Variants in DNAAF11 observed in about 807,000 individuals in gnomAD.
DNAAF11 encodes the protein leucine rich repeat containing 6.
A neutral mutation model predicts 60.8 loss-of-function variants in DNAAF11; 45 were observed. That is an observed-to-expected ratio of 0.74 (90% confidence interval 0.58 to 0.95). The LOEUF (loss-of-function observed/expected upper bound fraction) is 0.95. DNAAF11 is among the 40% of genes least tolerant of loss of function. DNAAF11 has a pLI of 0.00. For missense variants in DNAAF11, 546 were observed against 546.2 expected, an observed-to-expected ratio of 1.00 and a Z score of 0.00; for synonymous variants, 191 against 183.5, an observed-to-expected ratio of 1.04 and a Z score of -0.33.
At chr8:132,595,318 T>C (rs919679725) in intron 10 of DNAAF11, among the ~76,000 whole-genome samples, 1 of 136,540 alleles carries the variant, frequency 7.3e-6, no homozygotes. Context: ...TGGAATTTTT[T>C]GTGTTCCCGA....
Position 132,572,330 on chromosome 8 carries a change from G to A in DNAAF11, c.1377C>T (p.Asn459=). Residue 459 remains asparagine, a synonymous_variant, in exon 12 of 12, where the codon AAC becomes AAT. Coordinates refer to ENST00000620350, the MANE Select transcript of DNAAF11 (RefSeq NM_012472.6). ...PSEEDPTFED[N]PEVPPLI is the part of the protein sequence containing the mutation. ...TTCAAATCAGCGGAGGCACTTCAGG[G>A]TTGTCTTCAAAGGTTGGGTCTTCCT... 2 of 1,613,506 alleles carry A rather than the reference G, an allele frequency of 1.2e-6. No individual in the cohort carries two copies. The highest frequency in any genetic ancestry group is 1.7e-6 in the Non-Finnish European group (2 of 1,179,828).
intron 10 of DNAAF11, chr8:132,608,591 T>A (rs1396088873): frequency 2.6e-6 from 1 of 387,302 alleles, no homozygotes; most frequent in Non-Finnish European, 5.3e-6. Context: ...TTGATTTCCC[T>A]TTAGGAATTA....
At chr8:132,649,497 A>C (rs566855624) in intron 3 of DNAAF11, among the ~76,000 whole-genome samples, 17 of 152,368 alleles carry the variant, frequency 1.1e-4, no homozygotes, top group South Asian at 4.1e-4. Context: ...CAATGGCAAC[A>C]AAAGCCAAAA....
At chr8:132,636,009 A>C (rs1465795399) in intron 4 of DNAAF11, among the ~76,000 whole-genome samples, 4 of 151,770 alleles carry the variant, frequency 2.6e-5, no homozygotes, top group South Asian at 4.2e-4. Flanking sequence ...AACATCTTGA[A>C]CTTGAACGTC....
At chr8:132,675,331 G>A in intron 1 of DNAAF11, 153 bp downstream of exon 1, 1 of 731,120 alleles carries the variant, frequency 1.4e-6, no homozygotes, top group East Asian at 3.0e-5. Flanking sequence ...GTGCAGCCGG[G>A]GCTGCGGTGC....
At chr8:132,590,914 T>C (rs1347480015) in intron 10 of DNAAF11, among the ~76,000 whole-genome samples, 1 of 152,250 alleles carries the variant, frequency 6.6e-6, no homozygotes, top group Non-Finnish European at 1.5e-5. Context: ...TATTCAAAAT[T>C]ATATACTTTG....
chr8:132,626,328 G>A (rs557544167), intron 5 of DNAAF11, among the ~76,000 whole-genome samples: 1 of 152,274 alleles, frequency 6.6e-6, no homozygotes, highest in East Asian at 1.9e-4. Context: ...TGGCATTACA[G>A]GCATGAGCCA....
At chr8:132,652,018 T>A (rs7841018) in intron 3 of DNAAF11, among the ~76,000 whole-genome samples, 147,433 of 152,350 alleles carry the variant, frequency 0.97, 71,388 homozygotes, top group East Asian at 1. Flanking sequence ...GTAATTGTTA[T>A]TAAAGAATCT....
rs531275876 is a variant in DNAAF11, at chr8:132,675,319, T to C, written c.10+165A>G. ...CTGTCCGGCCAGTCTGCAGAGGACCTGGTGCAGCCGGGGCTGCGGTGCGGA... is the reference window on the plus strand; with the variant it reads ...CTGTCCGGCCAGTCTGCAGAGGACCCGGTGCAGCCGGGGCTGCGGTGCGGA... On this transcript the variant is annotated intron_variant, in intron 1 of 11. Coordinates refer to ENST00000620350, the MANE Select transcript of DNAAF11 (RefSeq NM_012472.6). 3,067 of 661,502 alleles carry C rather than the reference T, an allele frequency of 4.6e-3. 9 individuals are homozygous for C. Among genetic ancestry groups the C allele is most frequent in the Non-Finnish European group, 7.0e-3 (2,721 of 389,144 alleles). 41.0% of individuals were successfully genotyped at this position (661,502 alleles called of 1,614,324 possible).
chr8:132,579,100 A>G lies in DNAAF11; in HGVS notation c.1226+4594T>C, dbSNP rs144436766. 4.0e-3 allele frequency among the ~76,000 whole-genome samples: 605 copies of G among 152,290 alleles called. 11 individuals are homozygous for G. The highest frequency in any genetic ancestry group is 0.014 in the African/African-American group (585 of 41,556). The stretch of plus-strand genomic sequence containing the variant: ...AGCAGCTGTTGGTTAAAAATCCTCA[A>G]TCTTGAATTTAGATGAAAGTGGTTC... On this transcript the variant is annotated intron_variant, in intron 11 of 11. Coordinates refer to ENST00000620350, the MANE Select transcript of DNAAF11 (RefSeq NM_012472.6).
chr8:132,573,139 T>C (rs575080477), intron 11 of DNAAF11, among the ~76,000 whole-genome samples: 1 of 148,304 alleles, frequency 6.7e-6, no homozygotes, highest in African/African-American at 2.6e-5. Context: ...GATATAGATA[T>C]AGATGTAGAT....
chr8:132,643,701 T>C, intron 3 of DNAAF11: 1 of 456,088 alleles, frequency 2.2e-6, no homozygotes, highest in Non-Finnish European at 4.4e-6. Context: ...AATAGGAATA[T>C]CAAGAAACAG....
intron 10 of DNAAF11, among the ~76,000 whole-genome samples, chr8:132,598,197 C>T (rs957878463): frequency 1.3e-5 from 2 of 152,114 alleles, no homozygotes; most frequent in African/African-American, 4.8e-5. Flanking sequence ...GTAGCTATGT[C>T]TTTGTCGTTA....
At chr8:132,624,483 A>G (rs1276176659) in intron 6 of DNAAF11, among the ~76,000 whole-genome samples, 2 of 152,116 alleles carry the variant, frequency 1.3e-5, no homozygotes, top group African/African-American at 4.8e-5. Context: ...TGATTGTTAT[A>G]CCTCCCTAAA....
At chr8:132,682,903 T>C in the DNAAF11 span, among the ~76,000 whole-genome samples, 2 of 152,182 alleles carry the variant, frequency 1.3e-5, no homozygotes, top group Non-Finnish European at 2.9e-5. Flanking sequence ...CAAGGCTTTT[T>C]TTAACAACCA....
intron 3 of DNAAF11, among the ~76,000 whole-genome samples, chr8:132,643,176 A>G (rs1212412523): frequency 1.3e-5 from 2 of 152,232 alleles, no homozygotes; most frequent in Non-Finnish European, 2.9e-5. Flanking sequence ...CTAACAGGCC[A>G]GAGGTATCGG....
chr8:132,668,722 T>C (rs943034510), intron 1 of DNAAF11, among the ~76,000 whole-genome samples: 5 of 152,098 alleles, frequency 3.3e-5, no homozygotes, highest in Non-Finnish European at 7.4e-5. Flanking sequence ...AATTACAGGC[T>C]TGAGCCACCG....
At chr8:132,675,415 G>T in intron 1 of DNAAF11, 69 bp downstream of exon 1, 1 of 1,502,334 alleles carries the variant, frequency 6.7e-7, no homozygotes, top group South Asian at 1.2e-5. Flanking sequence ...GGGCGGCGAG[G>T]ATCCCACGAG....
chr8:132,627,872 T>C (rs1820431223), intron 5 of DNAAF11, among the ~76,000 whole-genome samples: 1 of 152,104 alleles, frequency 6.6e-6, no homozygotes, highest in South Asian at 2.1e-4. Flanking sequence ...GGGACCAATA[T>C]CCAGATACTG....
Sources: gnomAD v4.1 joint callset for allele counts (sites outside exome capture counted in the v4.1 genomes callset) on GRCh38, gnomAD v4.1.1 for gene constraint, MANE v1.5 for transcripts, NCBI Gene and HGNC (gene_info 2026-07-23, HGNC 2026-07-21) for gene names.